Variants in ANO2 observed in about 807,000 individuals in gnomAD.
The protein encoded by ANO2 is anoctamin 2.
ANO2 carries 101 observed loss-of-function variants against 124.2 expected under a neutral mutation model. That is an observed-to-expected ratio of 0.81 (90% CI 0.69 to 0.96). The LOEUF (loss-of-function observed/expected upper bound fraction) is 0.96. ANO2 is among the 40% of genes least tolerant of loss of function. ANO2 has a pLI of 0.00. For synonymous variants in ANO2, 486 were observed against 482.5 expected, an observed-to-expected ratio of 1.01 and a Z score of -0.09; for missense variants, 1,293 against 1,274.5, an observed-to-expected ratio of 1.01 and a Z score of -0.22.
chr12:5,563,573 A>C lies in ANO2; in HGVS notation c.2728-5T>G, dbSNP rs1358510665. On this transcript the variant is annotated splice_region_variant and splice_polypyrimidine_tract_variant and intron_variant, in intron 24 of 24. Transcript: ENST00000682330. ...GCTCAGGAACATCACGAGGTTCTGC[A>C]AAAAGCCAAGGAGAGAGGGGCTGAG... The C allele has an allele frequency of 6.2e-7, 1 of 1,613,512 alleles. No homozygotes were observed. The highest frequency in any genetic ancestry group is 8.5e-7 in the Non-Finnish European group (1 of 1,179,692).
At chr12:5,599,699 G>GA in intron 19 of ANO2, 70 bp from the exon 20 acceptor site, 6 of 1,533,930 alleles carry the variant, frequency 3.9e-6, no homozygotes, top group Non-Finnish European at 5.3e-6. Flanking sequence ...ACAGAAAAAA[G>GA]AAAAAGAACA....
At chr12:5,740,463 T>C (rs2137077684) in intron 12 of ANO2, 1 of 159,760 alleles carries the variant, frequency 6.3e-6, no homozygotes, top group Non-Finnish European at 1.4e-5. Flanking sequence ...ATCTGCAATG[T>C]ACAAAACACC....
chr12:5,753,291 T>C (rs1250996618), intron 10 of ANO2, among the ~76,000 whole-genome samples: 1 of 152,158 alleles, frequency 6.6e-6, no homozygotes. Flanking sequence ...GTCATCCACA[T>C]GTTGCAGGAG....
chr12:5,769,949 T>C lies in ANO2; in HGVS notation c.1056-18979A>G, dbSNP rs1952021961. The stretch of plus-strand genomic sequence containing the variant: ...CTCGGCTGGGCACCTATGGGCAATG[T>C]ACAAAATTCACAAGCCTGTGTGGCA... On this transcript the variant is annotated intron_variant, in intron 10 of 24. Transcript: ENST00000682330. This position sits in a 1 kb window ranked among gnomAD's most constrained non-coding sequence, Gnocchi z 4.0. Among the ~76,000 whole-genome samples, 1 of 152,118 alleles carries C rather than the reference T, an allele frequency of 6.6e-6. No homozygotes were observed. The highest frequency in any genetic ancestry group is 2.4e-5 in the African/African-American group (1 of 41,426).
chr12:5,666,236 C>A (rs1947708523), intron 14 of ANO2, among the ~76,000 whole-genome samples: 1 of 152,178 alleles, frequency 6.6e-6, no homozygotes, highest in African/African-American at 2.4e-5. Flanking sequence ...GAAAAAGCTA[C>A]CAGGACAATG....
intron 14 of ANO2, among the ~76,000 whole-genome samples, chr12:5,661,623 G>A (rs1174033076): frequency 2.6e-5 from 4 of 152,126 alleles, no homozygotes; most frequent in Non-Finnish European, 4.4e-5. Flanking sequence ...CCACCACTGT[G>A]ACAGGCAGAG....
At chr12:5,853,062 A>T (rs1954965615) in intron 4 of ANO2, among the ~76,000 whole-genome samples, 2 of 152,100 alleles carry the variant, frequency 1.3e-5, no homozygotes, top group African/African-American at 4.8e-5. Context: ...ATACCTATGA[A>T]TAAAGAATGG....
rs1946038568 is a variant in ANO2, at chr12:5,636,765, T to C, written c.1621-1418A>G. Among the ~76,000 whole-genome samples the C allele has an allele frequency of 1.3e-5, 2 of 151,832 alleles. No individual in the cohort carries two copies. Among genetic ancestry groups the C allele is most frequent in the African/African-American group, 4.8e-5 (2 of 41,322 alleles). On this transcript the variant is annotated intron_variant, in intron 15 of 24. Transcript: ENST00000682330. This position sits in a 1 kb window ranked among gnomAD's most constrained non-coding sequence, Gnocchi z 4.6. ...CTTGGGCAGTGCTTTGCAAGCAGTG[T>C]GAATGACACTCCAGTGGCTTGCTAA... is the stretch of plus-strand genomic sequence containing the variant.
rs919064933 is a variant in ANO2 at position 5,769,631 on chromosome 12, G to A, written c.1056-18661C>T. Among the ~76,000 whole-genome samples, 2 of 152,154 alleles carry A rather than the reference G, an allele frequency of 1.3e-5. No individual in the cohort carries two copies. The highest frequency in any genetic ancestry group is 6.5e-5 in the Admixed American group (1 of 15,276). ...CCTACCTACCTGTACATTCCTATCCGTGGGTGGTGGATGGACCTCCATTAA... is the reference window on the plus strand; with the variant it reads ...CCTACCTACCTGTACATTCCTATCCATGGGTGGTGGATGGACCTCCATTAA... On this transcript the variant is annotated intron_variant, in intron 10 of 24. Transcript: ENST00000682330. The surrounding 1 kb of genome is among the most constrained non-coding windows in gnomAD (Gnocchi z 4.0).
chr12:5,576,640 T>C (rs1340221509), intron 22 of ANO2, among the ~76,000 whole-genome samples: 2 of 152,234 alleles, frequency 1.3e-5, no homozygotes, highest in Non-Finnish European at 2.9e-5. Context: ...GCATCTGGCA[T>C]GTCTAAGTGC....
intron 19 of ANO2, among the ~76,000 whole-genome samples, chr12:5,602,823 G>A (rs1381098686): frequency 6.6e-6 from 1 of 152,124 alleles, no homozygotes; most frequent in African/African-American, 2.4e-5. Context: ...ATCAAAAATA[G>A]GTTACAATTC....
chr12:5,696,749 C>T (rs1408172145), intron 14 of ANO2, among the ~76,000 whole-genome samples: 1 of 152,104 alleles, frequency 6.6e-6, no homozygotes, highest in African/African-American at 2.4e-5. Flanking sequence ...CCAAACATAG[C>T]AATATATTAA....
intron 14 of ANO2, among the ~76,000 whole-genome samples, chr12:5,714,460 A>C (rs1949940086): frequency 6.6e-6 from 1 of 152,176 alleles, no homozygotes; most frequent in Non-Finnish European, 1.5e-5. Flanking sequence ...TGCCACTGCC[A>C]CCTTTGTTTC....
intron 4 of ANO2, among the ~76,000 whole-genome samples, chr12:5,841,068 G>A (rs1954498213): frequency 6.6e-6 from 1 of 152,200 alleles, no homozygotes; most frequent in Non-Finnish European, 1.5e-5. Flanking sequence ...TTCACCCACT[G>A]CTCTCCCCGC....
At chr12:5,906,975 T>A (rs1465220128) in intron 3 of ANO2, among the ~76,000 whole-genome samples, 2 of 152,226 alleles carry the variant, frequency 1.3e-5, no homozygotes, top group Non-Finnish European at 2.9e-5. Flanking sequence ...AGATGATGGA[T>A]GGATGCAACA....
chr12:5,923,810 C>CAGG (rs1941952016), intron 1 of ANO2, among the ~76,000 whole-genome samples: 1 of 152,198 alleles, frequency 6.6e-6, no homozygotes. Flanking sequence ...CAGCGCAGGT[C>CAGG]AGACTCAATC....
rs769233593 is a variant in ANO2, at chr12:5,916,491, T to TAAAAAAAAAAAA, written c.534+4548_534+4549insTTTTTTTTTTTT. Among the ~76,000 whole-genome samples the TAAAAAAAAAAAA allele has an allele frequency of 7.0e-3, 683 of 97,980 alleles. 37 individuals carry two copies. The highest frequency in any genetic ancestry group is 0.015 in the Middle Eastern group (2 of 132). 64.3% of individuals were successfully genotyped at this position (97,980 alleles called of 152,430 possible). Reference sequence around the variant, plus strand: ...CTCTGAATAGAAAAATCGCAGCAGGTTAAAAAAAAAAAAAAAAAAAAAGGC... The same window carrying TAAAAAAAAAAAA: ...CTCTGAATAGAAAAATCGCAGCAGGTAAAAAAAAAAAATAAAAAAAAAAAAAAAAAAAAAGGC... On this transcript the variant is annotated intron_variant, in intron 3 of 24. Coordinates refer to ENST00000682330, the MANE Select transcript of ANO2 (RefSeq NM_001364791.2).
chr12:5,851,684 C>CAA lies in ANO2; in HGVS notation c.633+2357_633+2358dup, dbSNP rs548897910. Among the ~76,000 whole-genome samples the CAA allele has an allele frequency of 4.3e-4, 27 of 62,566 alleles. No individual in the cohort carries two copies. In the East Asian group the frequency reaches 8.9e-3, roughly 21 times the overall value. 41.0% of individuals were successfully genotyped at this position (62,566 alleles called of 152,430 possible). The stretch of plus-strand genomic sequence containing the variant: ...TGGGCAACAGAGCAAGACTCCATCT[C>CAA]AAAAAAAAAAAAAAAAAGAGAGATG... On this transcript the variant is annotated intron_variant, in intron 4 of 24. Transcript: ENST00000682330.
intron 14 of ANO2, among the ~76,000 whole-genome samples, chr12:5,700,889 C>A (rs1245868058): frequency 6.6e-6 from 1 of 152,092 alleles, no homozygotes; most frequent in East Asian, 1.9e-4. Context: ...TAGTTTGAAT[C>A]CCTAATTATA....
Sources: gnomAD v4.1 joint callset for allele counts (sites outside exome capture counted in the v4.1 genomes callset) on GRCh38, gnomAD v4.1.1 for gene constraint, Gnocchi (gnomAD v3.1) non-coding constraint, MANE v1.5 for transcripts, NCBI Gene and HGNC (gene_info 2026-07-23, HGNC 2026-07-21) for gene names.